Variants in SLC16A12 observed in about 807,000 individuals in gnomAD.
The protein encoded by SLC16A12 is solute carrier family 16 member 12.
Under a neutral mutation model 42.4 loss-of-function variants are expected in SLC16A12, and 17 were observed. The observed-to-expected ratio is 0.40, with a 90% CI of 0.27 to 0.60. The LOEUF is 0.60. SLC16A12 is among the 20% of genes least tolerant of loss of function. SLC16A12 has a pLI of 0.42. For missense variants in SLC16A12, 544 were observed against 623.0 expected, an observed-to-expected ratio of 0.87 and a Z score of 1.35; for synonymous variants, 224 against 229.4, an observed-to-expected ratio of 0.98 and a Z score of 0.21.
At chr10:89,441,432 A>T (rs889265598) in intron 4 of SLC16A12, among the ~76,000 whole-genome samples, 181 bp from the exon 5 acceptor site, 2 of 152,150 alleles carry the variant, frequency 1.3e-5, no homozygotes, top group African/African-American at 4.8e-5. Context: ...ACAGATAATA[A>T]GCAGCAGGGT....
At chr10:89,509,702 A>C (rs146180579) in intron 2 of SLC16A12, among the ~76,000 whole-genome samples, 1 of 152,132 alleles carries the variant, frequency 6.6e-6, no homozygotes, top group African/African-American at 2.4e-5. Context: ...GCCCTCTCTC[A>C]CCACTCCTTT....
intron 3 of SLC16A12, among the ~76,000 whole-genome samples, chr10:89,456,512 T>C (rs1842193002): frequency 6.6e-6 from 1 of 152,058 alleles, no homozygotes. Context: ...ACATGAAGTA[T>C]GATTCTTTTT....
At chr10:89,468,567 C>T (rs999570462) in intron 2 of SLC16A12, among the ~76,000 whole-genome samples, 3 of 152,080 alleles carry the variant, frequency 2.0e-5, no homozygotes, top group East Asian at 3.8e-4. Flanking sequence ...TGAGTGACCA[C>T]GACAAAAGGA....
intron 2 of SLC16A12, among the ~76,000 whole-genome samples, chr10:89,499,057 C>A (rs1173747348): frequency 6.6e-6 from 1 of 152,064 alleles, no homozygotes; most frequent in Admixed American, 6.5e-5. Flanking sequence ...GGTAATATGA[C>A]AAAACAAGGC....
chr10:89,433,292 T>A lies in SLC16A12; in HGVS notation c.1323A>T (p.Ala441=). Residue 441 remains alanine (A), a synonymous_variant, in exon 8 of 8, where the codon GCA becomes GCT. Transcript: ENST00000371790. ...TTGAAAATCCACAGAGGAGGAATGC[T>A]GCAGTGTAGCTGCCGGTGGTATCTA... The part of the protein sequence containing the change: ...RLVDTTGSYT[A]AFLLCGFSMI... 1 of 1,614,152 alleles carries A rather than the reference T, an allele frequency of 6.2e-7. No homozygotes were observed. The highest frequency in any genetic ancestry group is 2.2e-5 in the East Asian group (1 of 44,886).
intron 2 of SLC16A12, among the ~76,000 whole-genome samples, chr10:89,524,047 C>T (rs79392117): frequency 4.2e-4 from 64 of 152,278 alleles, no homozygotes; most frequent in African/African-American, 1.4e-3. Context: ...AGCTTCTTAG[C>T]GGATGATACA....
At chr10:89,484,333 A>C (rs117423008) in intron 2 of SLC16A12, among the ~76,000 whole-genome samples, 3,189 of 152,250 alleles carry the variant, frequency 0.021, 60 homozygotes, top group Non-Finnish European at 0.036. Flanking sequence ...AGAATATCTT[A>C]TGATTGATTA....
In SLC16A12 at chr10:89,436,164, G is replaced by A. The variant is rs1456520255; in HGVS notation, c.1184C>T (p.Pro395Leu). The change falls in exon 7 of 8, where the codon CCA becomes CTA. Residue 395 changes from proline (P) to leucine (L), a missense_variant. By Grantham distance (98) the Pro-to-Leu change is moderately conservative (BLOSUM62 -3). Coordinates refer to ENST00000371790, the MANE Select transcript of SLC16A12 (RefSeq NM_213606.4). ...CCCCACTATCTCTGTGGTCACTACT[G>A]GGATCAAAGTCACATAGGCACCATC... ...YFDGAYVTLIPVVTTEIVGTT... is the reference protein window; with the variant it reads ...YFDGAYVTLILVVTTEIVGTT... 1.2e-6 allele frequency: 2 copies of A among 1,613,962 alleles called. No individual in the cohort carries two copies. Among genetic ancestry groups the A allele is most frequent in the Admixed American group, 1.7e-5 (1 of 59,974 alleles).
intron 3 of SLC16A12, among the ~76,000 whole-genome samples, chr10:89,449,563 A>G (rs902828209): frequency 2.6e-5 from 4 of 152,250 alleles, no homozygotes; most frequent in African/African-American, 9.6e-5. Context: ...ATATGTAGAA[A>G]GCTGAAACTG....
intron 2 of SLC16A12, among the ~76,000 whole-genome samples, chr10:89,475,097 T>C (rs1842556966): frequency 6.6e-6 from 1 of 152,194 alleles, no homozygotes; most frequent in Non-Finnish European, 1.5e-5. Flanking sequence ...TGGCTCCCTA[T>C]CACTTCACAT....
At chr10:89,545,520 C>T (rs12572076) in intron 2 of SLC16A12, among the ~76,000 whole-genome samples, 18,795 of 152,080 alleles carry the variant, frequency 0.12, 1,546 homozygotes, top group East Asian at 0.29. Context: ...TGAAAGACCT[C>T]TTCAAGGAGA....
At chr10:89,517,351 G>T (rs1183646591) in intron 2 of SLC16A12, among the ~76,000 whole-genome samples, 1 of 151,902 alleles carries the variant, frequency 6.6e-6, no homozygotes, top group Non-Finnish European at 1.5e-5. Context: ...GTCTCACTCT[G>T]ACACCCAGGC....
chr10:89,482,537 T>G (rs1348405931), intron 2 of SLC16A12, among the ~76,000 whole-genome samples: 4 of 152,084 alleles, frequency 2.6e-5, no homozygotes. Flanking sequence ...TCCCAGCACT[T>G]GGGGAGGCTG....
At chr10:89,488,865 C>T (rs2133803057) in intron 2 of SLC16A12, among the ~76,000 whole-genome samples, 1 of 152,222 alleles carries the variant, frequency 6.6e-6, no homozygotes, top group East Asian at 1.9e-4. Flanking sequence ...CAGGATAAGT[C>T]CAGGATGTTG....
chr10:89,439,192 A>G lies in SLC16A12; in HGVS notation c.449-9T>C, dbSNP rs1712645372. On this transcript the variant is annotated splice_polypyrimidine_tract_variant and intron_variant, in intron 5 of 7. Coordinates refer to ENST00000371790, the MANE Select transcript of SLC16A12 (RefSeq NM_213606.4). ...AAGTGCAAATCCAAGACCTGAGGAT[A>G]AAGAGAACTCTATGAGTGCTGAAGT... 1.6e-5 allele frequency: 26 copies of G among 1,613,304 alleles called. No individual in the cohort carries two copies. Among genetic ancestry groups the G allele is most frequent in the African/African-American group, 2.7e-5 (2 of 74,938 alleles).
In SLC16A12 at chr10:89,533,000, G is replaced by A. The variant is rs116396086; in HGVS notation, c.-47+1501C>T. Among the ~76,000 whole-genome samples the A allele has an allele frequency of 4.8e-3, 736 of 152,254 alleles. 3 individuals are homozygous for A. Among genetic ancestry groups the A allele is most frequent in the African/African-American group, 0.017 (709 of 41,534 alleles). ...CCCGTGCTTCAAGTTTAGTCACCAA[G>A]GTGATCTCCCTGCAATAAAGGAAAT... On this transcript the variant is annotated intron_variant, in intron 2 of 7. Coordinates refer to ENST00000371790, the MANE Select transcript of SLC16A12 (RefSeq NM_213606.4).
chr10:89,513,455 G>A (rs1843195418), intron 2 of SLC16A12, among the ~76,000 whole-genome samples: 1 of 152,020 alleles, frequency 6.6e-6, no homozygotes, highest in African/African-American at 2.4e-5. Context: ...ACTCACTGTG[G>A]TCATTCACAA....
At chr10:89,538,259 A>C (rs1431510690), upstream of SLC16A12, among the ~76,000 whole-genome samples, 2 of 152,266 alleles carry the variant, frequency 1.3e-5, no homozygotes, top group Non-Finnish European at 2.9e-5. Flanking sequence ...TTTCTTCCAA[A>C]TAGCACTGTC....
chr10:89,499,816 G>T (rs1276143261), intron 2 of SLC16A12, among the ~76,000 whole-genome samples: 1 of 151,886 alleles, frequency 6.6e-6, no homozygotes, highest in African/African-American at 2.4e-5. Flanking sequence ...AGAACTAAAT[G>T]AAATTGAAAC....
Sources: allele counts gnomAD v4.1 joint callset (sites outside exome capture counted in the v4.1 genomes callset), GRCh38; gene constraint gnomAD v4.1.1; transcripts MANE v1.5; gene names NCBI Gene and HGNC (gene_info 2026-07-23, HGNC 2026-07-21).